The following CAMTA1 variants were observed in gnomAD, a reference collection of about 807,000 sequenced individuals.
CAMTA1 encodes the protein calmodulin-binding transcription activator 1.
Under a neutral mutation model 170.9 loss-of-function variants are expected in CAMTA1, and 27 were observed. The ratio of observed to expected loss-of-function variants is 0.16; its 90% CI spans 0.12 to 0.22. The LOEUF is 0.22. Ranked by LOEUF, CAMTA1 falls within the 10% of genes least tolerant of loss-of-function variation. CAMTA1 has a pLI of 1.00. For missense variants in CAMTA1, 1,619 were observed against 2,217.2 expected (o/e 0.73, Z 5.42); for synonymous variants, 833 against 891.5 (o/e 0.93, Z 1.17).
At chr1:7,045,233 C>A (rs983189126) in intron 3 of CAMTA1, among the ~76,000 whole-genome samples, 1 of 152,124 alleles carries the variant, frequency 6.6e-6, no homozygotes, top group Non-Finnish European at 1.5e-5. Context: ...GGTCACCCAG[C>A]GAAAGGTGGC....
intron 4 of CAMTA1, among the ~76,000 whole-genome samples, chr1:7,141,818 T>G (rs1645906074): frequency 2.0e-5 from 3 of 152,284 alleles, no homozygotes; most frequent in Middle Eastern, 3.4e-3. Flanking sequence ...AGACAGGCAA[T>G]GGTTACATGA....
chr1:7,272,575 T>C (rs1422967030), intron 5 of CAMTA1, among the ~76,000 whole-genome samples: 1 of 148,916 alleles, frequency 6.7e-6, no homozygotes, highest in South Asian at 2.1e-4. Context: ...AAATTGAGAG[T>C]CCAGGAGTAA....
intron 5 of CAMTA1, among the ~76,000 whole-genome samples, chr1:7,357,659 A>G (rs2085224615): frequency 6.7e-6 from 1 of 148,336 alleles, no homozygotes; most frequent in African/African-American, 2.5e-5. Context: ...AAAGCCATAG[A>G]AGAGTTTCTG....
At chr1:7,433,524 T>A (rs1414738612) in intron 5 of CAMTA1, among the ~76,000 whole-genome samples, 1 of 151,934 alleles carries the variant, frequency 6.6e-6, no homozygotes, top group Non-Finnish European at 1.5e-5. Flanking sequence ...AGGGGCCAGG[T>A]CCAATGGCAA....
intron 4 of CAMTA1, among the ~76,000 whole-genome samples, chr1:7,188,773 G>A (rs1381787428): frequency 6.6e-6 from 1 of 152,178 alleles, no homozygotes; most frequent in Admixed American, 6.5e-5. Context: ...ATGAACATAG[G>A]TGTACACATG....
intron 5 of CAMTA1, among the ~76,000 whole-genome samples, chr1:7,268,494 G>A (rs911129917): frequency 2.6e-5 from 4 of 152,164 alleles, no homozygotes; most frequent in Non-Finnish European, 5.9e-5. Flanking sequence ...AGATGTTCAA[G>A]TTCAAACTAG....
In CAMTA1 at chr1:7,664,248, C is replaced by A. The variant is rs2095983941; in HGVS notation, c.1701C>A (p.Ser567Arg). The change falls in exon 9 of 23, where the codon AGC becomes AGA. Residue 567 changes from serine (S) to arginine (R), a missense_variant. Coordinates refer to ENST00000303635, the MANE Select transcript of CAMTA1 (RefSeq NM_015215.4). ...ASSLTLTAGSSLLPSGGGLSP... is the reference protein window; with the variant it reads ...ASSLTLTAGSRLLPSGGGLSP... ...CCCTCACCCTGACCGCCGGCTCCAG[C>A]CTCCTGCCGTCGGGCGGCGGCCTGA... 3.1e-6 allele frequency: 5 copies of A among 1,612,552 alleles called. No individual in the cohort carries two copies. Among genetic ancestry groups the A allele is most frequent in the Non-Finnish European group, 4.2e-6 (5 of 1,179,950 alleles).
intron 5 of CAMTA1, among the ~76,000 whole-genome samples, chr1:7,404,251 T>C (rs1448376624): frequency 6.6e-6 from 1 of 152,232 alleles, no homozygotes; most frequent in Non-Finnish European, 1.5e-5. Context: ...AACCTCTTTC[T>C]GGGGTTGGCG....
At chr1:7,323,658 G>T (rs926010798) in intron 5 of CAMTA1, among the ~76,000 whole-genome samples, 9 of 151,978 alleles carry the variant, frequency 5.9e-5, no homozygotes, top group African/African-American at 2.2e-4. Flanking sequence ...GAGTCGGTGG[G>T]ATCCTATTTT....
At chr1:6,788,607 G>A (rs1557541896) in intron 1 of CAMTA1, among the ~76,000 whole-genome samples, 1 of 152,134 alleles carries the variant, frequency 6.6e-6, no homozygotes, top group African/African-American at 2.4e-5. Flanking sequence ...TCGGAAAAAC[G>A]AAGAGTCGAA....
At chr1:7,745,457 C>T (rs140403881) in intron 17 of CAMTA1, among the ~76,000 whole-genome samples, 124 of 152,006 alleles carry the variant, frequency 8.2e-4, no homozygotes, top group African/African-American at 2.9e-3. Context: ...ACCCAAGAGG[C>T]GGAGGTTACA....
At chr1:6,976,678 G>A (rs759226112) in intron 3 of CAMTA1, among the ~76,000 whole-genome samples, 19 of 152,194 alleles carry the variant, frequency 1.2e-4, no homozygotes, top group African/African-American at 1.7e-4. Flanking sequence ...CAAGCTCTCC[G>A]TGAAGGATGG....
At chr1:7,368,826 C>G (rs2086217486) in intron 5 of CAMTA1, 1 of 152,250 alleles carries the variant, frequency 6.6e-6, no homozygotes, top group Admixed American at 6.5e-5. Flanking sequence ...TGAGGACCTG[C>G]CCAGAGTCAT....
intron 3 of CAMTA1, among the ~76,000 whole-genome samples, chr1:6,865,921 C>T (rs1448857959): frequency 1.3e-5 from 2 of 152,132 alleles, no homozygotes; most frequent in African/African-American, 4.8e-5. Flanking sequence ...TCCAGTGTGG[C>T]TTTATTCTTT....
At chr1:7,218,387 A>G (rs1660131324) in intron 4 of CAMTA1, among the ~76,000 whole-genome samples, 1 of 151,968 alleles carries the variant, frequency 6.6e-6, no homozygotes, top group Non-Finnish European at 1.5e-5. Flanking sequence ...ACATCGCCAC[A>G]TTGAGTGGTT....
At chr1:7,288,965 G>A (rs1672725981) in intron 5 of CAMTA1, among the ~76,000 whole-genome samples, 1 of 152,212 alleles carries the variant, frequency 6.6e-6, no homozygotes, top group South Asian at 2.1e-4. Context: ...AGGCTGCACA[G>A]GAAGCATGAT....
intron 5 of CAMTA1, among the ~76,000 whole-genome samples, chr1:7,295,160 T>G (rs1557460782): frequency 1.3e-5 from 2 of 152,084 alleles, no homozygotes; most frequent in African/African-American, 2.4e-5. Context: ...TTTTTTTTGT[T>G]GTAAACAGGG....
chr1:6,995,518 T>G (rs4500342), intron 3 of CAMTA1, among the ~76,000 whole-genome samples: 26,611 of 151,868 alleles, frequency 0.18, 2,606 homozygotes, highest in South Asian at 0.27. Flanking sequence ...TGGCCAGGAT[T>G]GTCTCAATCT....
chr1:7,373,824 A>G (rs2086654603), intron 5 of CAMTA1, among the ~76,000 whole-genome samples: 1 of 152,184 alleles, frequency 6.6e-6, no homozygotes, highest in Non-Finnish European at 1.5e-5. Flanking sequence ...CATTATTTGC[A>G]CTGTTGATAA....
Sources: gnomAD v4.1 joint callset for allele counts (sites outside exome capture counted in the v4.1 genomes callset) on GRCh38, gnomAD v4.1.1 for gene constraint, MANE v1.5 for transcripts, NCBI Gene and HGNC (gene_info 2026-07-23, HGNC 2026-07-21) for gene names.